Variants in GLB1 observed in about 807,000 individuals in gnomAD.
GLB1 encodes the protein galactosidase beta 1.
A neutral mutation model predicts 74.0 loss-of-function variants in GLB1; 56 were observed. The observed-to-expected ratio is 0.76, with a 90% CI of 0.61 to 0.94. GLB1 has a LOEUF of 0.94. GLB1 is among the 40% of genes least tolerant of loss of function. GLB1 has a pLI of 0.00. For synonymous variants in GLB1, 323 were observed against 323.6 expected, an observed-to-expected ratio of 1.00 and a Z score of 0.02; for missense variants, 787 against 845.5, an observed-to-expected ratio of 0.93 and a Z score of 0.86.
chr3:33,054,275 A>T (rs149709712), intron 6 of GLB1, among the ~76,000 whole-genome samples: 1 of 152,206 alleles, frequency 6.6e-6, no homozygotes, highest in African/African-American at 2.4e-5. Context: ...TGACTAAGAC[A>T]GGCCCCTTTC....
At chr3:32,967,698 GCC>G in the GLB1 span, among the ~76,000 whole-genome samples, 2 of 152,112 alleles carry the variant, frequency 1.3e-5, no homozygotes, top group Non-Finnish European at 2.9e-5. Flanking sequence ...CTGGGAGCTC[GCC>G]CATGAATGGA....
chr3:33,014,272 G>A lies in GLB1; in HGVS notation c.1518C>T (p.Leu506=), dbSNP rs748176346. 21 of 1,614,050 alleles carry A rather than the reference G, an allele frequency of 1.3e-5. No individual in the cohort carries two copies. In the Admixed American group the frequency reaches 1.3e-4, roughly 10 times the overall value. ...VSNLTLSSNI[L]TDWTIFPLDT... is the part of the protein sequence containing the mutation. ...CCAGTGGAAAGATCGTCCAGTCCGT[G>A]AGGATATTGGAACTGAGAGTCAGGT... is the stretch of plus-strand genomic sequence containing the variant. The change falls in exon 15 of 16, where the codon CTC becomes CTT. Residue 506 remains leucine (L), a synonymous_variant. Coordinates refer to ENST00000307363, the MANE Select transcript of GLB1 (RefSeq NM_000404.4).
chr3:32,965,020 T>G, the GLB1 span, among the ~76,000 whole-genome samples: 1 of 152,228 alleles, frequency 6.6e-6, no homozygotes, highest in African/African-American at 2.4e-5. Flanking sequence ...CCACCATGAT[T>G]GTGAGGCCTC....
intron 10 of GLB1, among the ~76,000 whole-genome samples, chr3:33,043,409 T>C (rs1698583912): frequency 6.6e-6 from 1 of 152,100 alleles, no homozygotes; most frequent in African/African-American, 2.4e-5. Context: ...TCTGGGGGTA[T>C]AGATGTCACA....
chr3:33,068,158 A>G, intron 4 of GLB1, 72 bp downstream of exon 4: 2 of 1,607,438 alleles, frequency 1.2e-6, no homozygotes, highest in Non-Finnish European at 1.7e-6. Flanking sequence ...AAGTGTCAGG[A>G]TTACAGGCGT....
intron 12 of GLB1, 21 bp downstream of exon 12, chr3:33,021,545 G>C: frequency 6.2e-7 from 1 of 1,611,260 alleles, no homozygotes; most frequent in Middle Eastern, 1.7e-4. Context: ...AAAAGGCGAG[G>C]CATTACCTTT....
chr3:33,089,717 A>G (rs757413456), intron 1 of GLB1, among the ~76,000 whole-genome samples: 19 of 152,204 alleles, frequency 1.2e-4, no homozygotes, highest in Non-Finnish European at 2.4e-4. Flanking sequence ...TCATAGAAAC[A>G]GAAAGTAGAA....
chr3:33,053,447 C>T, intron 7 of GLB1, 44 bp downstream of exon 7: 2 of 1,614,062 alleles, frequency 1.2e-6, no homozygotes, highest in Non-Finnish European at 1.7e-6. Flanking sequence ...TGTAACTTTT[C>T]TCTCTTAACA....
chr3:33,033,930 A>G (rs1698163850), intron 10 of GLB1: 1 of 550,104 alleles, frequency 1.8e-6, no homozygotes, highest in East Asian at 4.7e-5. Context: ...CAGATGGACT[A>G]CTATGGCACC....
intron 2 of GLB1, among the ~76,000 whole-genome samples, chr3:33,070,799 T>C (rs1027091247): frequency 2.6e-5 from 4 of 152,176 alleles, no homozygotes; most frequent in Non-Finnish European, 5.9e-5. Flanking sequence ...TGAACTATGA[T>C]TGAGCCACTA....
chr3:33,062,096 A>G (rs182788575), intron 5 of GLB1, among the ~76,000 whole-genome samples: 14 of 152,336 alleles, frequency 9.2e-5, no homozygotes, highest in Non-Finnish European at 1.8e-4. Flanking sequence ...AGCATCAAGA[A>G]TTGAGGAAAG....
At chr3:33,056,152 A>G (rs1033086185) in intron 6 of GLB1, among the ~76,000 whole-genome samples, 15 of 140,704 alleles carry the variant, frequency 1.1e-4, no homozygotes, top group African/African-American at 3.9e-4. Context: ...GCTTGAACCC[A>G]GGAGGCAGAG....
chr3:33,094,381 C>G, intron 1 of GLB1: 2 of 1,366,564 alleles, frequency 1.5e-6, no homozygotes, highest in Admixed American at 3.3e-5. Flanking sequence ...AGGCCACTTA[C>G]ATCTGCCCAA....
At chr3:32,994,178 C>T (rs1383141018), downstream of GLB1, among the ~76,000 whole-genome samples, 1 of 152,078 alleles carries the variant, frequency 6.6e-6, no homozygotes, top group Non-Finnish European at 1.5e-5. Flanking sequence ...CATTCAAGTA[C>T]CCATCAGCTG....
intron 5 of GLB1, chr3:33,061,528 A>G (rs1699442740): frequency 6.6e-6 from 1 of 152,242 alleles, no homozygotes; most frequent in Non-Finnish European, 1.5e-5. Context: ...CACAGATGAT[A>G]TATAAACGGT....
chr3:33,028,234 T>A (rs1044177024), intron 10 of GLB1, among the ~76,000 whole-genome samples: 1 of 152,214 alleles, frequency 6.6e-6, no homozygotes, highest in African/African-American at 2.4e-5. Flanking sequence ...GTTCCTATTT[T>A]TGCTTCTTCT....
In GLB1 at chr3:33,093,661, C is replaced by G; in HGVS notation, c.75+3350G>C. 6.2e-7 allele frequency: 1 copy of G among 1,614,190 alleles called. No individual in the cohort carries two copies. Among genetic ancestry groups the G allele is most frequent in the East Asian group, 2.2e-5 (1 of 44,874 alleles). On this transcript the variant is annotated intron_variant, in intron 1 of 15. Transcript: ENST00000307363. This position sits in a 1 kb window ranked among gnomAD's most constrained non-coding sequence, Gnocchi z 6.0. ...GGCTGCGCGGCATTCAGAATCCCGG[C>G]CACGCTGAGCACAGCAGTCACTCCC...
intron 9 of GLB1, among the ~76,000 whole-genome samples, chr3:33,050,501 C>T (rs536100494): frequency 5.9e-5 from 9 of 152,284 alleles, no homozygotes; most frequent in East Asian, 1.9e-4. Context: ...CGTGGATGAG[C>T]GTTGAACACA....
At chr3:33,038,019 CAAAAAAAAAAA>C (rs63478362) in intron 10 of GLB1, 6 of 71,716 alleles carry the variant, frequency 8.4e-5, no homozygotes, top group African/African-American at 3.7e-4. Flanking sequence ...GGCGACTCTT[CAAAAAAAAAAA>C]AAAAAAAAAA....
Sources: allele counts gnomAD v4.1 joint callset (sites outside exome capture counted in the v4.1 genomes callset), GRCh38; gene constraint gnomAD v4.1.1; non-coding constraint Gnocchi (gnomAD v3.1); transcripts MANE v1.5; gene names NCBI Gene and HGNC (gene_info 2026-07-23, HGNC 2026-07-21).